Variants in ASRGL1 observed in about 807,000 individuals in gnomAD.
ASRGL1 encodes the protein asparaginase and isoaspartyl peptidase 1.
ASRGL1 carries 16 observed loss-of-function variants against 22.4 expected under a neutral mutation model. That is an observed-to-expected ratio of 0.71 (90% CI 0.48 to 1.08). The LOEUF is 1.08. ASRGL1 is among the 50% of genes least tolerant of loss of function. The probability of loss-of-function intolerance (pLI) is 0.00; values close to 1 mark genes in which losing one functional copy is unlikely to be tolerated. For missense variants in ASRGL1, 412 were observed against 410.1 expected, an observed-to-expected ratio of 1.00 and a Z score of -0.04; for synonymous variants, 165 against 159.3, an observed-to-expected ratio of 1.04 and a Z score of -0.27.
intron 2 of ASRGL1, among the ~76,000 whole-genome samples, chr11:62,352,718 T>A (rs1406483531): frequency 6.6e-6 from 1 of 152,216 alleles, no homozygotes; most frequent in Non-Finnish European, 1.5e-5. Context: ...GAATTTATAG[T>A]TCTTTTCTTC....
intron 4 of ASRGL1, among the ~76,000 whole-genome samples, chr11:62,388,866 C>A (rs554079424): frequency 6.6e-6 from 1 of 152,048 alleles, no homozygotes; most frequent in East Asian, 1.9e-4. Context: ...CAAAGAGACA[C>A]AAAATAAAAC....
chr11:62,364,917 A>G (rs1014514905), intron 4 of ASRGL1, among the ~76,000 whole-genome samples: 13 of 151,880 alleles, frequency 8.6e-5, no homozygotes, highest in Non-Finnish European at 1.5e-4. Flanking sequence ...AAAAATATAA[A>G]AATTAGCTGG....
Position 62,345,054 on chromosome 11 carries a change from T to A in ASRGL1, c.190+6887T>A, listed in dbSNP as rs150752075. On this transcript the variant is annotated intron_variant, in intron 2 of 6. Coordinates refer to ENST00000415229, the MANE Select transcript of ASRGL1 (RefSeq NM_001083926.2). Reference sequence around the variant, plus strand: ...TGTTGTTGCAAATGACAGAATCTCATTCTTTTTTATGGCTGAGTAGTACTC... The same window carrying A: ...TGTTGTTGCAAATGACAGAATCTCAATCTTTTTTATGGCTGAGTAGTACTC... Among the ~76,000 whole-genome samples the A allele has an allele frequency of 4.6e-3, 704 of 152,356 alleles. 6 individuals are homozygous for A. Among genetic ancestry groups the A allele is most frequent in the African/African-American group, 0.015 (644 of 41,588 alleles).
At chr11:62,362,474 TAA>T (rs1180506381) in intron 4 of ASRGL1, among the ~76,000 whole-genome samples, 7 of 118,114 alleles carry the variant, frequency 5.9e-5, no homozygotes, top group Non-Finnish European at 9.9e-5. Flanking sequence ...ATATATTATA[TAA>T]AATATATATA....
At chr11:62,350,167 A>G (rs572488201) in intron 2 of ASRGL1, among the ~76,000 whole-genome samples, 4 of 152,280 alleles carry the variant, frequency 2.6e-5, no homozygotes, top group African/African-American at 7.2e-5. Context: ...CTCTGGTTCA[A>G]ACGTCTCTGA....
intron 3 of ASRGL1, 152 bp downstream of exon 3, chr11:62,356,619 C>A: frequency 9.4e-7 from 1 of 1,066,418 alleles, no homozygotes; most frequent in Non-Finnish European, 1.3e-6. Flanking sequence ...TCAAATCAGC[C>A]ATGATTTTTG....
Position 62,392,260 on chromosome 11 carries a change from T to C in ASRGL1, c.903T>C (p.Asp301=), listed in dbSNP as rs1327876798. ...GKLHFGIDPD[D]TTITDLP Reference sequence around the variant, plus strand: ...TGCACTTCGGAATTGATCCTGACGATACTACTATCACCGACCTTCCCTAAG... The same window carrying C: ...TGCACTTCGGAATTGATCCTGACGACACTACTATCACCGACCTTCCCTAAG... Residue 301 remains aspartate, a synonymous_variant, in exon 7 of 7, where the codon GAT becomes GAC. Transcript: ENST00000415229. 2 of 1,613,952 alleles carry C rather than the reference T, an allele frequency of 1.2e-6. No individual in the cohort carries two copies. The highest frequency in any genetic ancestry group is 3.3e-5 in the Admixed American group (2 of 60,026).
chr11:62,360,896 G>C (rs2134620945), intron 4 of ASRGL1, among the ~76,000 whole-genome samples: 1 of 152,294 alleles, frequency 6.6e-6, no homozygotes, highest in Non-Finnish European at 1.5e-5. Context: ...CTGATGTAAT[G>C]TTCTTGAAAG....
intron 4 of ASRGL1, 99 bp downstream of exon 4, chr11:62,357,243 T>TGTTTTG: frequency 1.9e-6 from 2 of 1,076,966 alleles, no homozygotes; most frequent in African/African-American, 3.2e-5. Context: ...TGTTTTGTTT[T>TGTTTTG]GTTTTGTTTT....
chr11:62,376,405 C>T (rs1190975254), intron 4 of ASRGL1, among the ~76,000 whole-genome samples: 1 of 151,684 alleles, frequency 6.6e-6, no homozygotes, highest in Non-Finnish European at 1.5e-5. Flanking sequence ...GGTATCCAAA[C>T]AGGAAGCTGA....
intron 4 of ASRGL1, 192 bp downstream of exon 4, chr11:62,357,336 G>T: frequency 3.6e-6 from 2 of 556,350 alleles, no homozygotes; most frequent in Non-Finnish European, 5.8e-6. Context: ...TGCAGCCTCC[G>T]CCTCCCAGGC....
chr11:62,372,277 T>G (rs563873316), intron 4 of ASRGL1: 1 of 1,601,292 alleles, frequency 6.2e-7, no homozygotes, highest in East Asian at 2.2e-5. Context: ...ACGGGCTCCG[T>G]GTTTGCGTTT....
At chr11:62,385,359 A>G (rs995652575) in intron 4 of ASRGL1, among the ~76,000 whole-genome samples, 4 of 151,480 alleles carry the variant, frequency 2.6e-5, no homozygotes, top group African/African-American at 7.3e-5. Flanking sequence ...TTATAGATAG[A>G]TGGGATTTCT....
chr11:62,338,966 AT>A (rs1368208418), intron 2 of ASRGL1, among the ~76,000 whole-genome samples: 2 of 151,088 alleles, frequency 1.3e-5, no homozygotes, highest in Non-Finnish European at 2.9e-5. Context: ...AAAGAAGGGA[AT>A]GTCTGCATTA....
intron 4 of ASRGL1, among the ~76,000 whole-genome samples, chr11:62,366,535 C>A (rs1300613434): frequency 1.5e-5 from 2 of 129,486 alleles, no homozygotes; most frequent in Admixed American, 7.7e-5. Context: ...TTTGCTCTTC[C>A]CTGACAGTGA....
intron 4 of ASRGL1, among the ~76,000 whole-genome samples, chr11:62,374,856 C>G (rs1946871193): frequency 6.6e-6 from 1 of 152,150 alleles, no homozygotes; most frequent in South Asian, 2.1e-4. Flanking sequence ...ACCCCAAAAC[C>G]ACCATCTCTG....
At chr11:62,347,625 G>C (rs1257998241) in intron 2 of ASRGL1, among the ~76,000 whole-genome samples, 3 of 130,342 alleles carry the variant, frequency 2.3e-5, no homozygotes, top group African/African-American at 7.5e-5. Context: ...GAAAATATTT[G>C]GGGAAAAAAA....
chr11:62,365,061 C>G (rs1946576978), intron 4 of ASRGL1, among the ~76,000 whole-genome samples: 1 of 146,820 alleles, frequency 6.8e-6, no homozygotes, highest in South Asian at 2.2e-4. Context: ...AAGCAAAACT[C>G]CATCTCAAAA....
chr11:62,381,995 AAAG>A (rs1294135587), intron 4 of ASRGL1: 1 of 152,220 alleles, frequency 6.6e-6, no homozygotes, highest in Non-Finnish European at 1.5e-5. Context: ...GAGACTGAGA[AAAG>A]AAATAAGAGG....
Sources: allele counts gnomAD v4.1 joint callset (sites outside exome capture counted in the v4.1 genomes callset), GRCh38; gene constraint gnomAD v4.1.1; transcripts MANE v1.5; gene names NCBI Gene and HGNC (gene_info 2026-07-23, HGNC 2026-07-21).